Variants in TSPAN11 observed in about 807,000 individuals in gnomAD.
TSPAN11 encodes the protein tetraspanin-11.
A neutral mutation model predicts 32.9 loss-of-function variants in TSPAN11; 29 were observed. The observed-to-expected ratio is 0.88, with a 90% CI of 0.66 to 1.20. The LOEUF (loss-of-function observed/expected upper bound fraction) is 1.20. TSPAN11 is among the 50% of genes most tolerant of loss of function. The pLI is 0.00. For missense variants in TSPAN11, 283 were observed against 329.1 expected, an observed-to-expected ratio of 0.86 and a Z score of 1.08; for synonymous variants, 140 against 141.3, an observed-to-expected ratio of 0.99 and a Z score of 0.07.
chr12:30,958,258 C>T (rs1255945948), intron 2 of TSPAN11, among the ~76,000 whole-genome samples: 2 of 152,110 alleles, frequency 1.3e-5, no homozygotes, highest in Admixed American at 1.3e-4. Flanking sequence ...TTATCAAGGG[C>T]TCTTTAAAGC....
At chr12:30,943,309 CACTT>C (rs922248587) in intron 1 of TSPAN11, among the ~76,000 whole-genome samples, 1 of 152,198 alleles carries the variant, frequency 6.6e-6, no homozygotes, top group African/African-American at 2.4e-5. Flanking sequence ...GTCTGGGTCT[CACTT>C]ACTGGGTCTC....
At chr12:30,959,494 A>C (rs1335800390) in intron 2 of TSPAN11, among the ~76,000 whole-genome samples, 1 of 152,146 alleles carries the variant, frequency 6.6e-6, no homozygotes, top group African/African-American at 2.4e-5. Context: ...GGACTCGGAC[A>C]CCGCGCCACG....
intron 2 of TSPAN11, among the ~76,000 whole-genome samples, chr12:30,963,534 C>T (rs1938656852): frequency 6.6e-6 from 1 of 152,184 alleles, no homozygotes; most frequent in Admixed American, 6.5e-5. Flanking sequence ...AACTGCAGTC[C>T]TCTCCCCTGG....
rs767531560 is a variant in TSPAN11, at chr12:30,979,548, C to T, written c.352-18C>T. Reference sequence around the variant, plus strand: ...GGGCTGGTCCCGCTGATGGGGACTTCGCTCCTACCCTCCTCAGCTGAGTGA... The same window carrying T: ...GGGCTGGTCCCGCTGATGGGGACTTTGCTCCTACCCTCCTCAGCTGAGTGA... On this transcript the variant is annotated intron_variant, in intron 4 of 7. Coordinates refer to ENST00000546076, the MANE Select transcript of TSPAN11 (RefSeq NM_001370302.1). 3.7e-6 allele frequency: 6 copies of T among 1,613,178 alleles called. No homozygotes were observed. The highest frequency in any genetic ancestry group is 4.5e-5 in the East Asian group (2 of 44,878).
chr12:30,999,939 G>A (rs138451386), downstream of TSPAN11, among the ~76,000 whole-genome samples: 7 of 152,226 alleles, frequency 4.6e-5, no homozygotes, highest in Middle Eastern at 3.4e-3. Context: ...AGTCTCTGGA[G>A]CCACAAAGGG....
At chr12:31,000,372 C>T (rs572941389), downstream of TSPAN11, among the ~76,000 whole-genome samples, 1 of 152,232 alleles carries the variant, frequency 6.6e-6, no homozygotes, top group Non-Finnish European at 1.5e-5. Context: ...CTGGAGGATG[C>T]TCTTCCTTGG....
intron 4 of TSPAN11, chr12:30,979,037 C>T (rs551922605): frequency 3.3e-4 from 89 of 268,420 alleles, no homozygotes; most frequent in Middle Eastern, 1.3e-3. Flanking sequence ...GGAGTGAGTC[C>T]TAGAGTCAGT....
chr12:30,932,082 G>C (rs1937944799), intron 1 of TSPAN11, among the ~76,000 whole-genome samples: 1 of 151,120 alleles, frequency 6.6e-6, no homozygotes, highest in South Asian at 2.1e-4. Context: ...GAGCCAGATA[G>C]GTAATTTGTG....
At chr12:30,928,673 G>T (rs1212929549) in intron 1 of TSPAN11, among the ~76,000 whole-genome samples, 1 of 152,184 alleles carries the variant, frequency 6.6e-6, no homozygotes, top group Non-Finnish European at 1.5e-5. Flanking sequence ...CCTGGGGAAG[G>T]TCACATCACC....
At chr12:30,936,478 C>A (rs1938046950) in intron 1 of TSPAN11, among the ~76,000 whole-genome samples, 1 of 152,118 alleles carries the variant, frequency 6.6e-6, no homozygotes, top group African/African-American at 2.4e-5. Flanking sequence ...GATACATGAA[C>A]CACCAAACAC....
chr12:30,956,879 C>T (rs1357360929), intron 2 of TSPAN11, among the ~76,000 whole-genome samples: 2 of 152,242 alleles, frequency 1.3e-5, no homozygotes, highest in Non-Finnish European at 2.9e-5. Context: ...CAGCTGCTCC[C>T]TTGCCTGGAG....
At chr12:31,007,004 C>G in the TSPAN11 span, among the ~76,000 whole-genome samples, 1 of 152,196 alleles carries the variant, frequency 6.6e-6, no homozygotes, top group African/African-American at 2.4e-5. Flanking sequence ...CAGCCACTGC[C>G]CATAGCCGTT....
intron 1 of TSPAN11, among the ~76,000 whole-genome samples, chr12:30,937,199 G>T (rs1938063677): frequency 6.6e-6 from 1 of 152,212 alleles, no homozygotes. Flanking sequence ...AGGTCAGACA[G>T]TGGTGGGGTG....
chr12:31,008,086 C>T, the TSPAN11 span, among the ~76,000 whole-genome samples: 3 of 147,248 alleles, frequency 2.0e-5, no homozygotes, highest in Non-Finnish European at 4.5e-5. Flanking sequence ...GTTCACCCTC[C>T]AACAACTTAT....
chr12:30,997,337 T>C (rs1203592093), downstream of TSPAN11: 1 of 152,234 alleles, frequency 6.6e-6, no homozygotes, highest in Non-Finnish European at 1.5e-5. Context: ...GGTGTATTCA[T>C]TTGTATTCAC....
chr12:30,986,024 G>A (rs1053348770), intron 7 of TSPAN11, among the ~76,000 whole-genome samples: 3 of 152,202 alleles, frequency 2.0e-5, no homozygotes, highest in Non-Finnish European at 2.9e-5. Flanking sequence ...GCCAGCTGAC[G>A]CTGGGCACTA....
At chr12:31,008,819 CTAAA>C in the TSPAN11 span, among the ~76,000 whole-genome samples, 2 of 152,188 alleles carry the variant, frequency 1.3e-5, no homozygotes, top group African/African-American at 4.8e-5. Context: ...CAATGCGAAT[CTAAA>C]GCAAGACTGG....
At chr12:30,982,447 G>C in intron 5 of TSPAN11, 85 bp from the exon 6 acceptor site, 1 of 1,511,638 alleles carries the variant, frequency 6.6e-7, no homozygotes, top group Non-Finnish European at 8.9e-7. Context: ...TAGGGGTTGG[G>C]TTAGTATTTG....
chr12:30,960,366 G>A (rs970361399), intron 2 of TSPAN11, among the ~76,000 whole-genome samples: 2 of 151,970 alleles, frequency 1.3e-5, no homozygotes, highest in South Asian at 2.1e-4. Flanking sequence ...TCCTCACTGA[G>A]GGTGGAGAAC....
Sources: allele counts gnomAD v4.1 joint callset (sites outside exome capture counted in the v4.1 genomes callset), GRCh38; gene constraint gnomAD v4.1.1; transcripts MANE v1.5; gene names NCBI Gene and HGNC (gene_info 2026-07-23, HGNC 2026-07-21).